Variants in C2orf76 observed in about 807,000 individuals in gnomAD.
C2orf76 encodes UPF0538 protein C2orf76.
A neutral mutation model predicts 16.9 loss-of-function variants in C2orf76; 23 were observed. The ratio of observed to expected loss-of-function variants is 1.36; its 90% CI spans 0.98 to 1.93. The LOEUF is 1.93. Among genes scored for constraint, C2orf76 ranks in the 30% most tolerant of loss-of-function variants. The pLI, the probability that C2orf76 is intolerant of heterozygous loss-of-function variation, is 0.00. For missense variants in C2orf76, 152 were observed against 152.6 expected (o/e 1.00, Z 0.02); for synonymous variants, 48 against 52.3 (o/e 0.92, Z 0.35).
chr2:119,319,822 G>C (rs980893920), intron 3 of C2orf76, among the ~76,000 whole-genome samples: 1 of 152,092 alleles, frequency 6.6e-6, no homozygotes, highest in African/African-American at 2.4e-5. Context: ...ACCTAACAAA[G>C]TGCCCTGTCC....
Position 119,323,598 on chromosome 2 carries a change from G to A in C2orf76, c.134-2394C>T, listed in dbSNP as rs188662700. Among the ~76,000 whole-genome samples, 10 of 152,132 alleles carry A rather than the reference G, an allele frequency of 6.6e-5. No individual in the cohort carries two copies. In the South Asian group the frequency reaches 1.5e-3, roughly 22 times the overall value. On this transcript the variant is annotated intron_variant, in intron 2 of 5. Coordinates refer to ENST00000334816, the MANE Select transcript of C2orf76 (RefSeq NM_001322331.2). ...CCTGGCACGAGTGGATCTGACTCACGGTAGGCTGGTCCCAGGCAGAGATAT... is the reference window on the plus strand; with the variant it reads ...CCTGGCACGAGTGGATCTGACTCACAGTAGGCTGGTCCCAGGCAGAGATAT...
chr2:119,287,794 G>A, the C2orf76 span, among the ~76,000 whole-genome samples: 1 of 152,142 alleles, frequency 6.6e-6, no homozygotes, highest in African/African-American at 2.4e-5. Context: ...AACTGTGTGT[G>A]TTTAAAATAA....
chr2:119,360,321 T>C (rs1451682876), intron 1 of C2orf76, among the ~76,000 whole-genome samples: 1 of 151,696 alleles, frequency 6.6e-6, no homozygotes, highest in Non-Finnish European at 1.5e-5. Flanking sequence ...CTACTAAAAA[T>C]ATAAAATTAG....
chr2:119,331,552 C>G, intron 2 of C2orf76, among the ~76,000 whole-genome samples: 1 of 152,156 alleles, frequency 6.6e-6, no homozygotes, highest in Non-Finnish European at 1.5e-5. Context: ...GTGCAGCTCT[C>G]TATATCCCTG....
downstream of C2orf76, among the ~76,000 whole-genome samples, chr2:119,299,072 C>A (rs1678577363): frequency 6.6e-6 from 1 of 151,826 alleles, no homozygotes; most frequent in South Asian, 2.1e-4. Flanking sequence ...CAAATTACCA[C>A]ACCCAGCTAA....
intron 5 of C2orf76, among the ~76,000 whole-genome samples, chr2:119,308,253 G>A (rs951658512): frequency 3.3e-5 from 5 of 152,220 alleles, no homozygotes; most frequent in African/African-American, 1.2e-4. Flanking sequence ...GGCAATGCCA[G>A]CACCTCAAGA....
intron 5 of C2orf76, among the ~76,000 whole-genome samples, chr2:119,308,306 C>T (rs561487720): frequency 2.0e-4 from 31 of 152,276 alleles, no homozygotes; most frequent in African/African-American, 6.0e-4. Flanking sequence ...TCTCCATATA[C>T]GCATAAACAA....
intron 2 of C2orf76, among the ~76,000 whole-genome samples, chr2:119,322,508 G>A (rs982951924): frequency 4.6e-5 from 7 of 151,932 alleles, no homozygotes; most frequent in Admixed American, 3.9e-4. Context: ...ATGCCCAGCC[G>A]GAAATTTATT....
chr2:119,350,654 A>T (rs935394), intron 1 of C2orf76, among the ~76,000 whole-genome samples: 1 of 152,086 alleles, frequency 6.6e-6, no homozygotes, highest in Non-Finnish European at 1.5e-5. Context: ...TGAGGAGGGA[A>T]GCATAGCTTG....
At chr2:119,358,261 A>C (rs948769878) in intron 1 of C2orf76, among the ~76,000 whole-genome samples, 6 of 152,188 alleles carry the variant, frequency 3.9e-5, no homozygotes, top group Non-Finnish European at 5.9e-5. Context: ...GAGGAAATTA[A>C]AATGCTATTA....
rs555903862 is a variant in C2orf76 at position 119,345,972 on chromosome 2, G to A, written c.-12-6001C>T. ...CAGGAGACTGAGGCAGGAGAATGGC[G>A]TGAACCTGGGAGGCAGAGCTTGCAG... On this transcript the variant is annotated intron_variant, in intron 1 of 5. Coordinates refer to ENST00000334816, the MANE Select transcript of C2orf76 (RefSeq NM_001322331.2). Among the ~76,000 whole-genome samples the A allele has an allele frequency of 7.8e-4, 117 of 149,868 alleles. 1 individual carries two copies. Among genetic ancestry groups the A allele is most frequent in the Non-Finnish European group, 1.2e-3 (83 of 67,616 alleles).
intron 2 of C2orf76, among the ~76,000 whole-genome samples, chr2:119,336,397 AT>A (rs1363156730): frequency 6.6e-6 from 1 of 152,082 alleles, no homozygotes; most frequent in Non-Finnish European, 1.5e-5. Flanking sequence ...CTCAAAATAA[AT>A]AAATAAATTT....
intron 2 of C2orf76, among the ~76,000 whole-genome samples, chr2:119,336,787 A>G (rs989735252): frequency 5.9e-5 from 9 of 152,168 alleles, no homozygotes; most frequent in Non-Finnish European, 5.9e-5. Flanking sequence ...AAAATTCCCT[A>G]TGCCACTATG....
chr2:119,311,579 C>T (rs2289949), intron 5 of C2orf76, 43 bp downstream of exon 5: 35,967 of 1,597,910 alleles, frequency 0.023, 824 homozygotes, highest in East Asian at 0.13. Flanking sequence ...CAGGATAGGC[C>T]GGCAGAGGTC....
intron 1 of C2orf76, among the ~76,000 whole-genome samples, chr2:119,345,142 A>T (rs1332202231): frequency 6.6e-6 from 1 of 152,214 alleles, no homozygotes; most frequent in African/African-American, 2.4e-5. Flanking sequence ...ATCAAGGAAA[A>T]GACTGATAGT....
At position 119,339,907 on chromosome 2, in the gene C2orf76, T is replaced by C. The variant is rs371885556; in HGVS notation, c.53A>G (p.His18Arg). The C allele has an allele frequency of 1.9e-6, 3 of 1,613,462 alleles. No individual in the cohort carries two copies. Among genetic ancestry groups the C allele is most frequent in the East Asian group, 2.2e-5 (1 of 44,882 alleles). Residue 18 changes from histidine (H) to arginine (R), a missense_variant, in exon 2 of 6, where the codon CAT becomes CGT. His to Arg is a conservative substitution (Grantham distance 29, BLOSUM62 0). Coordinates refer to ENST00000334816, the MANE Select transcript of C2orf76 (RefSeq NM_001322331.2). Reference protein sequence around the residue: ...ITVRLIRSFEHRNFKPVVYHG... With the variant: ...ITVRLIRSFERRNFKPVVYHG... The stretch of plus-strand genomic sequence containing the variant: ...ATACACTACAGGTTTGAAATTGCGA[T>C]GTTCAAAGGAACGGATGAGGCGAAC...
intron 3 of C2orf76, among the ~76,000 whole-genome samples, chr2:119,320,614 T>A (rs1679313061): frequency 6.6e-6 from 1 of 152,136 alleles, no homozygotes; most frequent in Non-Finnish European, 1.5e-5. Context: ...TAATAAAAAA[T>A]TTATACTTTA....
chr2:119,290,515 T>C, the C2orf76 span, among the ~76,000 whole-genome samples: 1 of 152,180 alleles, frequency 6.6e-6, no homozygotes, highest in Non-Finnish European at 1.5e-5. Flanking sequence ...GGCTTTGAAA[T>C]AATTAAGCAT....
chr2:119,361,532 T>G lies in C2orf76; in HGVS notation c.-13+5258A>C, dbSNP rs527686430. Among the ~76,000 whole-genome samples, 197 of 152,280 alleles carry G rather than the reference T, an allele frequency of 1.3e-3. 1 individual carries two copies. The highest frequency in any genetic ancestry group is 4.6e-3 in the African/African-American group (191 of 41,552). On this transcript the variant is annotated intron_variant, in intron 1 of 5. Coordinates refer to ENST00000334816, the MANE Select transcript of C2orf76 (RefSeq NM_001322331.2). The stretch of plus-strand genomic sequence containing the variant: ...AAATACAGTATCACAACTATTTATA[T>G]AGCATTTACATTGTATCTAGTATTA...
Sources: gnomAD v4.1 joint callset for allele counts (sites outside exome capture counted in the v4.1 genomes callset) on GRCh38, gnomAD v4.1.1 for gene constraint, MANE v1.5 for transcripts, NCBI Gene and HGNC (gene_info 2026-07-23, HGNC 2026-07-21) for gene names.